The following PIK3R1 variants were observed in gnomAD, a reference collection of about 807,000 sequenced individuals.
The protein encoded by PIK3R1 is phosphatidylinositol 3-kinase regulatory subunit alpha.
PIK3R1 carries 29 observed loss-of-function variants against 98.0 expected under a neutral mutation model. The observed-to-expected ratio is 0.30, with a 90% CI of 0.22 to 0.40. The LOEUF is 0.40. Among genes scored for constraint, PIK3R1 ranks in the 10% least tolerant of loss-of-function variants. The pLI is 1.00. For missense variants in PIK3R1, 596 were observed against 872.7 expected, an observed-to-expected ratio of 0.68 and a Z score of 3.99; for synonymous variants, 282 against 311.8, an observed-to-expected ratio of 0.90 and a Z score of 1.01.
Position 68,280,594 on chromosome 5 carries a change from A to C in PIK3R1, c.701A>C (p.His234Pro), listed in dbSNP as rs746719882. The C allele has an allele frequency of 6.2e-7, 1 of 1,613,278 alleles. No individual in the cohort carries two copies. The highest frequency in any genetic ancestry group is 1.7e-5 in the Admixed American group (1 of 59,996). ...CTTATTAGGTCGCCTAGCATACCTC[A>C]TCAGTATTGGCTTACGCTTCAGTAT... ...KKLIRSPSIP[H>P]QYWLTLQYLL... The change falls in exon 6 of 16, where the codon CAT becomes CCT. Residue 234 changes from histidine to proline, a missense_variant. Transcript: ENST00000521381.
At chr5:68,295,060 TG>T in intron 12 of PIK3R1, 87 bp from the exon 13 acceptor site, 1 of 1,101,302 alleles carries the variant, frequency 9.1e-7, no homozygotes, top group Non-Finnish European at 1.2e-6. Flanking sequence ...GGAAAACTGC[TG>T]GGAAACCATA....
chr5:68,284,037 G>C (rs961895778), intron 7 of PIK3R1, among the ~76,000 whole-genome samples: 1 of 152,178 alleles, frequency 6.6e-6, no homozygotes, highest in Non-Finnish European at 1.5e-5. Context: ...AAAAAAGTGG[G>C]CTTCTGACTC....
chr5:68,254,825 T>C (rs1745447480), intron 2 of PIK3R1, among the ~76,000 whole-genome samples: 1 of 84,414 alleles, frequency 1.2e-5, no homozygotes, highest in African/African-American at 5.8e-5. Context: ...GTACAGTCTT[T>C]TTCTTTTTTT....
At chr5:68,295,773 G>A in intron 14 of PIK3R1, 1 of 496,670 alleles carries the variant, frequency 2.0e-6, no homozygotes, top group Non-Finnish European at 3.6e-6. Context: ...GGAACAGTCA[G>A]AGAAAAAATA....
chr5:68,256,188 T>G (rs1354845227), intron 2 of PIK3R1, among the ~76,000 whole-genome samples: 1 of 151,988 alleles, frequency 6.6e-6, no homozygotes, highest in Non-Finnish European at 1.5e-5. Context: ...GTTTTTCTCT[T>G]TGAATATCAA....
At chr5:68,294,477 T>C in intron 11 of PIK3R1, 59 bp from the exon 12 acceptor site, 2 of 1,319,426 alleles carry the variant, frequency 1.5e-6, no homozygotes, top group Non-Finnish European at 2.1e-6. Flanking sequence ...GGTAGTGTCT[T>C]GCAGTAAGAG....
rs749660796 is a variant in PIK3R1 at position 68,297,514 on chromosome 5, A to G, written c.2088A>G (p.Leu696=). The G allele has an allele frequency of 1.2e-6, 2 of 1,614,182 alleles. No homozygotes were observed. The highest frequency in any genetic ancestry group is 1.7e-5 in the Admixed American group (1 of 60,032). Residue 696 remains leucine, a synonymous_variant, in exon 16 of 16, where the codon CTA becomes CTG. Coordinates refer to ENST00000521381, the MANE Select transcript of PIK3R1 (RefSeq NM_181523.3). ...ACAGCTCTCTGAAAGAACTGGTGCT[A>G]CATTACCAACACACCTCCCTTGTGC... ...NLYSSLKELV[L]HYQHTSLVQH... is the part of the protein sequence containing the mutation.
intron 2 of PIK3R1, among the ~76,000 whole-genome samples, chr5:68,254,811 A>C (rs906313989): frequency 6.7e-6 from 1 of 149,480 alleles, no homozygotes; most frequent in Non-Finnish European, 1.5e-5. Flanking sequence ...AGTAGATTGC[A>C]TCAGTACAGT....
In PIK3R1 at chr5:68,301,804, GGTT is replaced by G. The variant is rs1390408151; in HGVS notation, c.*4207_*4209del. ...GTATTAGATCTTCAAACAGAATAAA[GGTT>G]GTTTTGAAACTGAAGTTTTGGGTTG... On this transcript the variant is annotated 3_prime_UTR_variant, in exon 16 of 16. Coordinates refer to ENST00000521381, the MANE Select transcript of PIK3R1 (RefSeq NM_181523.3). 2 of 168,424 alleles carry G rather than the reference GGTT, an allele frequency of 1.2e-5. No individual in the cohort carries two copies. The highest frequency in any genetic ancestry group is 4.8e-5 in the African/African-American group (2 of 41,910). The allele number at this position is 168,424 out of a possible 1,614,324, so 10.4% of individuals were successfully genotyped here. A position where few individuals can be genotyped will look rare whatever the true frequency, so the allele number is the denominator to read the frequency against.
intron 2 of PIK3R1, among the ~76,000 whole-genome samples, chr5:68,255,682 A>C (rs1745487007): frequency 6.6e-6 from 1 of 152,218 alleles, no homozygotes; most frequent in Non-Finnish European, 1.5e-5. Flanking sequence ...TCAGATGGCG[A>C]AAGTGAAACA....
At chr5:68,235,884 CT>C (rs754911950) in intron 2 of PIK3R1, among the ~76,000 whole-genome samples, 5 of 122,912 alleles carry the variant, frequency 4.1e-5, no homozygotes. Context: ...TTTTTTTTTT[CT>C]TTTTTTTTTG....
In PIK3R1 at chr5:68,293,826, A is replaced by G. The variant is rs2112264498; in HGVS notation, c.1417A>G (p.Thr473Ala). 6.4e-7 allele frequency: 1 copy of G among 1,568,914 alleles called. No homozygotes were observed. The highest frequency in any genetic ancestry group is 8.6e-7 in the Non-Finnish European group (1 of 1,160,786). The change falls in exon 11 of 16, where the codon ACA (threonine) becomes GCA (alanine). Residue 473 changes from threonine to alanine, a missense_variant. Coordinates refer to ENST00000521381, the MANE Select transcript of PIK3R1 (RefSeq NM_181523.3). ...TAGATTATATGAAGAATATACCCGC[A>G]CATCCCAGGTGAGTTTTCTATGAAA... ...YDRLYEEYTR[T>A]SQEIQMKRTA...
chr5:68,237,106 C>A (rs1744694758), intron 2 of PIK3R1, among the ~76,000 whole-genome samples: 1 of 152,156 alleles, frequency 6.6e-6, no homozygotes, highest in African/African-American at 2.4e-5. Context: ...ATAATTATAT[C>A]ATTTTGATTA....
At chr5:68,266,226 A>G (rs1039919082) in intron 2 of PIK3R1, among the ~76,000 whole-genome samples, 1 of 152,236 alleles carries the variant, frequency 6.6e-6, no homozygotes, top group Non-Finnish European at 1.5e-5. Flanking sequence ...TTCTCAAGTT[A>G]CATTTTACAA....
intron 2 of PIK3R1, among the ~76,000 whole-genome samples, chr5:68,258,157 CT>C (rs1745600798): frequency 6.6e-6 from 1 of 152,208 alleles, no homozygotes; most frequent in African/African-American, 2.4e-5. Flanking sequence ...AAGAAAACAT[CT>C]GACAGCACGA....
intron 2 of PIK3R1, among the ~76,000 whole-genome samples, chr5:68,268,890 G>T (rs1426017413): frequency 6.6e-6 from 1 of 152,212 alleles, no homozygotes; most frequent in Non-Finnish European, 1.5e-5. Flanking sequence ...TGGTGCCCAA[G>T]GACTGTCGAG....
intron 2 of PIK3R1, among the ~76,000 whole-genome samples, chr5:68,252,549 G>C (rs1016484898): frequency 1.3e-5 from 2 of 152,146 alleles, no homozygotes; most frequent in Non-Finnish European, 2.9e-5. Flanking sequence ...GGATGTGTGC[G>C]TGCAAATGTG....
chr5:68,273,651 A>G lies in PIK3R1; in HGVS notation c.427+169A>G, dbSNP rs2302975. On this transcript the variant is annotated intron_variant, in intron 3 of 15. Coordinates refer to ENST00000521381, the MANE Select transcript of PIK3R1 (RefSeq NM_181523.3). ...GGCTAAGTACTGGGAAAAATGTCTCAGTCTATAATTTCTAACTCTAGATTA... is the reference window on the plus strand; with the variant it reads ...GGCTAAGTACTGGGAAAAATGTCTCGGTCTATAATTTCTAACTCTAGATTA... 294,359 of 623,802 alleles carry G rather than the reference A, an allele frequency of 0.47. 73,154 individuals carry two copies. The highest frequency in any genetic ancestry group is 0.78 in the African/African-American group (42,511 of 54,414). 38.6% of individuals were successfully genotyped at this position (623,802 alleles called of 1,614,324 possible).
intron 2 of PIK3R1, among the ~76,000 whole-genome samples, chr5:68,233,267 A>G (rs1308552008): frequency 6.6e-6 from 1 of 152,258 alleles, no homozygotes; most frequent in East Asian, 1.9e-4. Flanking sequence ...ATATATGTGT[A>G]TCTTTGTTGC....
Sources: allele counts gnomAD v4.1 joint callset (sites outside exome capture counted in the v4.1 genomes callset), GRCh38; gene constraint gnomAD v4.1.1; transcripts MANE v1.5; gene names NCBI Gene and HGNC (gene_info 2026-07-23, HGNC 2026-07-21).